Variants in HAS2 observed in about 807,000 individuals in gnomAD.
The protein encoded by HAS2 is hyaluronan synthase 2.
In HAS2, 16 loss-of-function variants were observed where a neutral mutation model predicts 51.6. The ratio of observed to expected loss-of-function variants is 0.31; its 90% CI spans 0.21 to 0.47. HAS2 has a LOEUF of 0.47. Among genes scored for constraint, HAS2 ranks in the 20% least tolerant of loss-of-function variants. The pLI is 1.00. For missense variants in HAS2, 361 were observed against 662.6 expected, an observed-to-expected ratio of 0.54 and a Z score of 5.00; for synonymous variants, 228 against 235.5, an observed-to-expected ratio of 0.97 and a Z score of 0.29.
chr8:121,632,063 C>T (rs1236596719), intron 1 of HAS2, among the ~76,000 whole-genome samples: 1 of 152,204 alleles, frequency 6.6e-6, no homozygotes, highest in African/African-American at 2.4e-5. Flanking sequence ...AAGTACTTTA[C>T]TAGCATACCA....
intron 1 of HAS2, among the ~76,000 whole-genome samples, chr8:121,635,670 GCGTCTCTT>G (rs758003376): frequency 4.1e-4 from 62 of 152,278 alleles, no homozygotes; most frequent in Middle Eastern, 3.4e-3. Flanking sequence ...CTTATTCATT[GCGTCTCTT>G]CATCCACTGA....
rs1563619268 is a variant in HAS2 at position 121,614,623 on chromosome 8, A to C, written c.1145T>G (p.Ile382Ser). The change falls in exon 4 of 4, where the codon ATC (isoleucine) becomes AGC (serine). Residue 382 changes from isoleucine to serine, a missense_variant. Coordinates refer to ENST00000303924, the MANE Select transcript of HAS2 (RefSeq NM_005328.3). This position sits in a 1 kb window ranked among gnomAD's most constrained non-coding sequence, Gnocchi z 7.2. ...HHLWMTYEAI[I>S]TGFFPFFLIA... is the part of the protein sequence containing the mutation. ...GAGAAAGAAAGGAAAGAATCCAGTG[A>C]TAATCGCTTCGTAGGTCATCCACAA... The C allele has an allele frequency of 6.2e-7, 1 of 1,614,138 alleles. No individual in the cohort carries two copies.
At chr8:121,637,390 CTT>C (rs397728062) in intron 1 of HAS2, among the ~76,000 whole-genome samples, 20 of 130,718 alleles carry the variant, frequency 1.5e-4, no homozygotes, top group Non-Finnish European at 2.4e-4. Context: ...TCAAAATAGA[CTT>C]TTTTTTTTTT....
At chr8:121,630,741 G>A (rs1056759447) in intron 1 of HAS2, among the ~76,000 whole-genome samples, 4 of 152,114 alleles carry the variant, frequency 2.6e-5, no homozygotes, top group African/African-American at 9.7e-5. Flanking sequence ...TTTGCTTGAT[G>A]TGCTATTTAT....
At position 121,614,109 on chromosome 8, in the gene HAS2, T is replaced by C; in HGVS notation, c.1659A>G (p.Ter553TrpextTer5). The change falls in exon 4 of 4, where the codon TGA becomes TGG. Residue 553 changes from the stop codon to tryptophan, a stop_lost. Transcript: ENST00000303924. The surrounding 1 kb of genome is among the most constrained non-coding windows in gnomAD (Gnocchi z 7.2). ...GQQYDMVLDV[*>W] ...ACTGCAAACGTCAAAACATGGAAGA[T>C]CATACATCAAGCACCATGTCATATT... is the stretch of plus-strand genomic sequence containing the variant. 1 of 1,613,898 alleles carries C rather than the reference T, an allele frequency of 6.2e-7. No homozygotes were observed. Among genetic ancestry groups the C allele is most frequent in the Non-Finnish European group, 8.5e-7 (1 of 1,179,880 alleles).
rs774095555 is a variant in HAS2 at position 121,629,225 on chromosome 8, G to A, written c.116C>T (p.Thr39Met). 1.5e-5 allele frequency: 25 copies of A among 1,613,750 alleles called. No homozygotes were observed. Among genetic ancestry groups the A allele is most frequent in the Admixed American group, 5.0e-5 (3 of 60,008 alleles). Residue 39 changes from threonine to methionine, a missense_variant, in exon 2 of 4, where the codon ACG (threonine) becomes ATG (methionine). By Grantham distance (81) the Thr-to-Met change is moderately conservative. This residue lies in a region of HAS2 where 145 missense variants were observed against 217.6 expected (regional missense o/e 0.67). Transcript: ENST00000303924. ...AYIVGYQFIQ[T>M]DNYYFSFGLY... ...TCCAAAAGAGAAATAGTAATTATCC[G>A]TTTGGATAAACTGGTAGCCAACAAT...
Position 121,623,677 on chromosome 8 carries a change from A to T in HAS2, c.627+5037T>A, listed in dbSNP as rs1812805357. ...TCTTGAGCTGAAAGACATCTTAGAG[A>T]TCATCTGGTCTACTACCTCAGTTGA... On this transcript the variant is annotated intron_variant, in intron 2 of 3. Transcript: ENST00000303924. 2.6e-5 allele frequency among the ~76,000 whole-genome samples: 4 copies of T among 152,226 alleles called. No homozygotes were observed. The South Asian group carries it at 8.3e-4, about 31-fold the overall frequency.
intron 2 of HAS2, among the ~76,000 whole-genome samples, chr8:121,628,236 T>A (rs1334961871): frequency 6.6e-6 from 1 of 152,110 alleles, no homozygotes; most frequent in Non-Finnish European, 1.5e-5. Flanking sequence ...ATGAAAATTG[T>A]TCTCACCACC....
chr8:121,618,846 C>G (rs918153364), intron 2 of HAS2, among the ~76,000 whole-genome samples: 1 of 151,642 alleles, frequency 6.6e-6, no homozygotes, highest in Non-Finnish European at 1.5e-5. Context: ...TTTTTAATAT[C>G]AAAATAAATT....
At chr8:121,636,497 C>G (rs7010274) in intron 1 of HAS2, among the ~76,000 whole-genome samples, 5,249 of 152,232 alleles carry the variant, frequency 0.034, 332 homozygotes, top group African/African-American at 0.12. Flanking sequence ...AGCCAAGCTT[C>G]CAGGGTTAGT....
chr8:121,629,137 G>A lies in HAS2; in HGVS notation c.204C>T (p.His68=). Residue 68 remains histidine (H), a synonymous_variant, in exon 2 of 4, where the codon CAC becomes CAT. Coordinates refer to ENST00000303924, the MANE Select transcript of HAS2 (RefSeq NM_005328.3). The stretch of plus-strand genomic sequence containing the variant: ...TTTCTAGGGATTTTTTCATTTTTCG[G>A]TGCTCCAAAAAGGCAAACAGGCTTT... ...IIQSLFAFLE[H]RKMKKSLETP... 3 of 1,613,970 alleles carry A rather than the reference G, an allele frequency of 1.9e-6. No homozygotes were observed. The highest frequency in any genetic ancestry group is 1.7e-6 in the Non-Finnish European group (2 of 1,179,942).
Position 121,612,760 on chromosome 8 carries a change from A to T in HAS2, c.*1349T>A, listed in dbSNP as rs1335133023. On this transcript the variant is annotated 3_prime_UTR_variant, in exon 4 of 4. Transcript: ENST00000303924. ...TTCTACTGTGTAGACATTTTTATAC[A>T]GGTCCAGAACAGGAAATAGGAAGTG... 1 of 152,194 alleles carries T rather than the reference A, an allele frequency of 6.6e-6. No individual in the cohort carries two copies. Among genetic ancestry groups the T allele is most frequent in the East Asian group, 1.9e-4 (1 of 5,202 alleles). The allele number at this position is 152,194 out of a possible 1,614,324, so 9.4% of individuals were successfully genotyped here.
At chr8:121,624,397 C>T (rs1185221289) in intron 2 of HAS2, among the ~76,000 whole-genome samples, 1 of 152,224 alleles carries the variant, frequency 6.6e-6, no homozygotes, top group Non-Finnish European at 1.5e-5. Context: ...CATTGGATGA[C>T]TCAAATTTTT....
chr8:121,637,975 G>C (rs1198030264), intron 1 of HAS2, among the ~76,000 whole-genome samples: 3 of 152,176 alleles, frequency 2.0e-5, no homozygotes, highest in African/African-American at 7.2e-5. Flanking sequence ...AGCTAGTAAT[G>C]TAACAAACTA....
intron 1 of HAS2, among the ~76,000 whole-genome samples, chr8:121,634,602 A>C (rs1280326666): frequency 1.3e-5 from 2 of 152,002 alleles, no homozygotes; most frequent in Non-Finnish European, 1.5e-5. Context: ...GGACTCAATA[A>C]ATACATTTTT....
At position 121,628,762 on chromosome 8, in the gene HAS2, G is replaced by A; in HGVS notation, c.579C>T (p.Val193=). 3 of 1,614,098 alleles carry A rather than the reference G, an allele frequency of 1.9e-6. No individual in the cohort carries two copies. The highest frequency in any genetic ancestry group is 2.7e-5 in the African/African-American group (2 of 75,054). ...CCAGTGCTCTGAAGGCTGTGTACATGACTTCTCTTTTTCCACCCCATTTTT... is the reference window on the plus strand; with the variant it reads ...CCAGTGCTCTGAAGGCTGTGTACATAACTTCTCTTTTTCCACCCCATTTTT... ...IMQKWGGKRE[V]MYTAFRALGR... is the part of the protein sequence containing the mutation. Residue 193 remains valine (V), a synonymous_variant, in exon 2 of 4, where the codon GTC becomes GTT. Coordinates refer to ENST00000303924, the MANE Select transcript of HAS2 (RefSeq NM_005328.3).
intron 1 of HAS2, among the ~76,000 whole-genome samples, chr8:121,631,238 A>ATTTCTGGAT (rs1812925357): frequency 6.6e-6 from 1 of 152,100 alleles, no homozygotes; most frequent in Non-Finnish European, 1.5e-5. Flanking sequence ...GCACAAAATA[A>ATTTCTGGAT]TTTCTGGATT....
chr8:121,638,053 A>G (rs1813037405), intron 1 of HAS2, among the ~76,000 whole-genome samples: 2 of 152,260 alleles, frequency 1.3e-5, no homozygotes, highest in African/African-American at 4.8e-5. Flanking sequence ...ACCTTGATCC[A>G]TAGACAAAGG....
At chr8:121,627,438 A>G (rs1812868923) in intron 2 of HAS2, among the ~76,000 whole-genome samples, 1 of 152,214 alleles carries the variant, frequency 6.6e-6, no homozygotes, top group Admixed American at 6.5e-5. Flanking sequence ...AAATGTCTCT[A>G]AACTCTTCAG....
Sources: gnomAD v4.1 joint callset for allele counts (sites outside exome capture counted in the v4.1 genomes callset) on GRCh38, gnomAD v4.1.1 for gene constraint, gnomAD v4.1.1 regional missense constraint, Gnocchi (gnomAD v3.1) non-coding constraint, MANE v1.5 for transcripts, NCBI Gene and HGNC (gene_info 2026-07-23, HGNC 2026-07-21) for gene names.